Variants in MTDH observed in about 807,000 individuals in gnomAD.
MTDH encodes the protein protein LYRIC.
MTDH carries 34 observed loss-of-function variants against 72.7 expected under a neutral mutation model. The observed-to-expected ratio is 0.47, with a 90% CI of 0.36 to 0.62. The LOEUF (loss-of-function observed/expected upper bound fraction) is 0.62. MTDH is among the 20% of genes least tolerant of loss of function. The pLI is 0.00. For synonymous variants in MTDH, 266 were observed against 268.9 expected (o/e 0.99, Z 0.10); for missense variants, 677 against 699.4 (o/e 0.97, Z 0.36).
At chr8:97,711,595 T>TA (rs1156943065) in intron 8 of MTDH, among the ~76,000 whole-genome samples, 1 of 152,080 alleles carries the variant, frequency 6.6e-6, no homozygotes, top group Non-Finnish European at 1.5e-5. Context: ...TACTGTACAG[T>TA]AGCACAGTAG....
chr8:97,727,686 C>G lies in MTDH; in HGVS notation c.*3016C>G, dbSNP rs1443762605. 1 of 152,006 alleles carries G rather than the reference C, an allele frequency of 6.6e-6. No homozygotes were observed. Among genetic ancestry groups the G allele is most frequent in the African/African-American group, 2.4e-5 (1 of 41,370 alleles). 9.4% of individuals were successfully genotyped at this position (152,006 alleles called of 1,614,324 possible). On this transcript the variant is annotated 3_prime_UTR_variant, in exon 12 of 12. Transcript: ENST00000336273. ...AGGCTTTATCAGGCCTGGAGGGGAA[C>G]CTTGCTCATGTTAGCAAGAAAGGTA...
chr8:97,682,250 AT>A, intron 2 of MTDH, among the ~76,000 whole-genome samples: 1 of 3,460 alleles, frequency 2.9e-4, no homozygotes, highest in South Asian at 7.6e-3. Context: ...ATATATATAT[AT>A]ATATATATAT....
intron 1 of MTDH, among the ~76,000 whole-genome samples, chr8:97,647,420 C>T (rs1050723306): frequency 3.9e-5 from 6 of 151,950 alleles, no homozygotes; most frequent in African/African-American, 1.2e-4. Flanking sequence ...AAAATTAGCC[C>T]AGTGTGGTGG....
At chr8:97,656,889 C>G (rs367692166) in intron 1 of MTDH, among the ~76,000 whole-genome samples, 2 of 151,176 alleles carry the variant, frequency 1.3e-5, no homozygotes, top group African/African-American at 4.9e-5. Context: ...TGCTGAGACA[C>G]AGGAATCACT....
intron 10 of MTDH, among the ~76,000 whole-genome samples, chr8:97,721,772 C>A (rs1286186226): frequency 6.6e-6 from 1 of 152,182 alleles, no homozygotes; most frequent in African/African-American, 2.4e-5. Context: ...AGTTTACCTC[C>A]TTTCTGCTTC....
At chr8:97,669,479 A>C (rs1175054715) in intron 2 of MTDH, among the ~76,000 whole-genome samples, 1 of 151,690 alleles carries the variant, frequency 6.6e-6, no homozygotes, top group Non-Finnish European at 1.5e-5. Flanking sequence ...CATTTTCCTC[A>C]CCCCAAAAAG....
chr8:97,682,246 A>G (rs541290467), intron 2 of MTDH, among the ~76,000 whole-genome samples: 1 of 3,422 alleles, frequency 2.9e-4, no homozygotes, highest in African/African-American at 1.1e-3. Context: ...ATATATATAT[A>G]TATATATATA....
chr8:97,722,853 C>T (rs762951954), intron 10 of MTDH, 26 bp from the exon 11 acceptor site: 1 of 1,576,186 alleles, frequency 6.3e-7, no homozygotes, highest in South Asian at 1.2e-5. Context: ...CACCAAAAAA[C>T]CTGAGATGAT....
intron 2 of MTDH, among the ~76,000 whole-genome samples, chr8:97,677,622 A>G (rs1031225627): frequency 6.6e-6 from 1 of 152,200 alleles, no homozygotes; most frequent in African/African-American, 2.4e-5. Flanking sequence ...ATTGATCCAG[A>G]TAGTGAAATC....
chr8:97,657,093 A>G (rs1320366223), intron 1 of MTDH, among the ~76,000 whole-genome samples: 1 of 152,056 alleles, frequency 6.6e-6, no homozygotes, highest in African/African-American at 2.4e-5. Flanking sequence ...AGATATCCTC[A>G]TTCTGGTTTA....
chr8:97,695,797 T>TA (rs778555690), intron 6 of MTDH, among the ~76,000 whole-genome samples: 1 of 152,256 alleles, frequency 6.6e-6, no homozygotes, highest in Non-Finnish European at 1.5e-5. Context: ...ACCTCATACT[T>TA]ATGTAATTGT....
intron 6 of MTDH, among the ~76,000 whole-genome samples, chr8:97,697,150 A>ATATATATATTTT: frequency 4.4e-5 from 3 of 68,800 alleles, no homozygotes; most frequent in African/African-American, 2.7e-4. Context: ...ATATATATAT[A>ATATATATATTTT]TTTTTTTTTT....
Position 97,719,059 on chromosome 8 carries a change from A to G in MTDH, c.1391A>G (p.Glu464Gly). 1.1e-5 allele frequency: 17 copies of G among 1,602,968 alleles called. No homozygotes were observed. The highest frequency in any genetic ancestry group is 1.4e-5 in the Non-Finnish European group (17 of 1,175,384). ...TATTTTTCTCTATAGGACACAGAAG[A>G]ATTAGAAAAAGAGATTAGAGAAGAC... is the stretch of plus-strand genomic sequence containing the variant. ...EDNSTAQDTE[E>G]LEKEIREDLP... is the part of the protein sequence containing the mutation. The change falls in exon 10 of 12, where the codon GAA becomes GGA. Residue 464 changes from glutamate to glycine, a missense_variant. Coordinates refer to ENST00000336273, the MANE Select transcript of MTDH (RefSeq NM_178812.4).
At chr8:97,679,528 A>G (rs1479378049) in intron 2 of MTDH, among the ~76,000 whole-genome samples, 1 of 152,186 alleles carries the variant, frequency 6.6e-6, no homozygotes, top group African/African-American at 2.4e-5. Flanking sequence ...AGCATGGCCA[A>G]TCATGTGTCT....
At chr8:97,706,876 C>A in intron 8 of MTDH, 126 bp downstream of exon 8, 1 of 1,076,700 alleles carries the variant, frequency 9.3e-7, no homozygotes, top group Non-Finnish European at 1.3e-6. Flanking sequence ...CCCAGGAGTT[C>A]AAGGCCAGCC....
At chr8:97,649,963 CTTTTCTTTTT>C (rs1360833514) in intron 1 of MTDH, among the ~76,000 whole-genome samples, 4 of 149,692 alleles carry the variant, frequency 2.7e-5, no homozygotes, top group Non-Finnish European at 5.9e-5. Flanking sequence ...CTTTTCTTTT[CTTTTCTTTTT>C]GAAACGGAGT....
At chr8:97,689,402 ATT>A (rs1813493527) in intron 5 of MTDH, among the ~76,000 whole-genome samples, 1 of 151,590 alleles carries the variant, frequency 6.6e-6, no homozygotes, top group East Asian at 1.9e-4. Flanking sequence ...GAGAAGAAAG[ATT>A]TTTGTTGGGC....
At chr8:97,684,056 G>C (rs763713857) in intron 2 of MTDH, among the ~76,000 whole-genome samples, 22 of 148,796 alleles carry the variant, frequency 1.5e-4, no homozygotes, top group Admixed American at 6.7e-4. Flanking sequence ...AGAATCGCTT[G>C]AACCCAGGCG....
intron 1 of MTDH, among the ~76,000 whole-genome samples, chr8:97,659,771 G>T (rs927735515): frequency 1.3e-5 from 2 of 152,166 alleles, no homozygotes; most frequent in Non-Finnish European, 2.9e-5. Flanking sequence ...AAAAGATGTT[G>T]TAGGATCCAG....
Sources: allele counts gnomAD v4.1 joint callset (sites outside exome capture counted in the v4.1 genomes callset), GRCh38; gene constraint gnomAD v4.1.1; transcripts MANE v1.5; gene names NCBI Gene and HGNC (gene_info 2026-07-23, HGNC 2026-07-21).